CUX1: variants seen among roughly 807,000 people sequenced by gnomAD.
The protein encoded by CUX1 is cut like homeobox 1, also known as protein CASP.
A neutral mutation model predicts 158.8 loss-of-function variants in CUX1; 31 were observed. The observed-to-expected ratio is 0.20, with a 90% CI of 0.15 to 0.26. The LOEUF (loss-of-function observed/expected upper bound fraction) is 0.26, where lower values mean the gene tolerates loss of function less well. Among genes scored for constraint, CUX1 ranks in the 10% least tolerant of loss-of-function variants. The pLI is 1.00. For synonymous variants in CUX1, 879 were observed against 862.1 expected (o/e 1.02, Z -0.34); for missense variants, 1,589 against 2,014.6 (o/e 0.79, Z 4.04).
At chr7:101,863,475 C>T (rs778282671) in intron 1 of CUX1, among the ~76,000 whole-genome samples, 24 of 151,900 alleles carry the variant, frequency 1.6e-4, no homozygotes, top group African/African-American at 4.4e-4. Flanking sequence ...CTCAGCCTCC[C>T]GAGTAGCTGG....
intron 8 of CUX1, among the ~76,000 whole-genome samples, chr7:102,121,449 G>A (rs1326368317): frequency 3.3e-5 from 5 of 151,930 alleles, no homozygotes; most frequent in East Asian, 1.9e-4. Flanking sequence ...GGGTTCAAGC[G>A]ATTCTCCTGC....
intron 1 of CUX1, among the ~76,000 whole-genome samples, chr7:101,879,052 G>A (rs1024421938): frequency 5.3e-5 from 8 of 152,210 alleles, no homozygotes; most frequent in Non-Finnish European, 1.5e-5. Context: ...TACTGTGCTG[G>A]AACCATCCTG....
intron 6 of CUX1, among the ~76,000 whole-genome samples, chr7:102,110,354 C>T (rs560835309): frequency 6.6e-6 from 1 of 150,500 alleles, no homozygotes; most frequent in Non-Finnish European, 1.5e-5. Flanking sequence ...TCATATTAAG[C>T]CGTAGTATAT....
chr7:102,163,318 C>G (rs1483513276), intron 9 of CUX1, among the ~76,000 whole-genome samples: 1 of 145,292 alleles, frequency 6.9e-6, no homozygotes, highest in Non-Finnish European at 1.5e-5. Flanking sequence ...AGACTTTTTT[C>G]TCTACAAAAA....
At chr7:101,988,167 A>G (rs1014085899) in intron 2 of CUX1, among the ~76,000 whole-genome samples, 4 of 152,140 alleles carry the variant, frequency 2.6e-5, no homozygotes, top group Admixed American at 6.5e-5. Context: ...AGCTGAGATC[A>G]CGCACTGCAC....
At chr7:101,845,625 G>A (rs984552185) in intron 1 of CUX1, among the ~76,000 whole-genome samples, 2 of 152,188 alleles carry the variant, frequency 1.3e-5, no homozygotes, top group Admixed American at 1.3e-4. Flanking sequence ...ATGGCACATC[G>A]TACATTTCTA....
At chr7:101,816,068 A>G (rs1219523928), upstream of CUX1, 15 of 1,417,006 alleles carry the variant, frequency 1.1e-5, no homozygotes, top group Non-Finnish European at 1.4e-5. Context: ...CAATATTGGA[A>G]GCGCTTTGAT....
At chr7:102,173,752 C>T (rs1343745435) in intron 10 of CUX1, among the ~76,000 whole-genome samples, 2 of 152,108 alleles carry the variant, frequency 1.3e-5, no homozygotes, top group African/African-American at 2.4e-5. Context: ...AGGTAGAGTC[C>T]GTTGTGGATC....
rs1013380637 is a variant in CUX1, at chr7:101,860,778, T to C, written c.30+43109T>C. Among the ~76,000 whole-genome samples the C allele has an allele frequency of 1.1e-3, 148 of 132,076 alleles. 2 individuals carry two copies. In the East Asian group the frequency reaches 0.016, roughly 14 times the overall value. The allele number at this position is 132,076 out of a possible 152,430, so 86.6% of individuals were successfully genotyped here. A position where few individuals can be genotyped will look rare whatever the true frequency, so the allele number is the denominator to read the frequency against. ...CTTCCTTCCTTCCTTCCTTCCTTCC[T>C]TCCTTCCCTCCTTCCCCTCTCTTCT... On this transcript the variant is annotated intron_variant, in intron 1 of 23. Transcript: ENST00000292535.
At chr7:101,865,816 T>A (rs1797880800) in intron 1 of CUX1, among the ~76,000 whole-genome samples, 1 of 152,240 alleles carries the variant, frequency 6.6e-6, no homozygotes, top group Non-Finnish European at 1.5e-5. Context: ...TAGTGGGTAC[T>A]GGAGCAAATG....
At chr7:101,877,407 C>A (rs1299979624) in intron 1 of CUX1, among the ~76,000 whole-genome samples, 5 of 152,112 alleles carry the variant, frequency 3.3e-5, no homozygotes, top group Non-Finnish European at 7.3e-5. Context: ...AATTAACAGG[C>A]CAGGTACAGT....
At chr7:102,172,434 T>C (rs1791833070) in intron 10 of CUX1, among the ~76,000 whole-genome samples, 1 of 151,674 alleles carries the variant, frequency 6.6e-6, no homozygotes, top group Admixed American at 6.6e-5. Flanking sequence ...CGCTGTAGCC[T>C]TGACCTGGGC....
Position 102,255,063 on chromosome 7 carries a change from G to A in CUX1, c.*6021G>A, listed in dbSNP as rs966720936. The A allele has an allele frequency of 5.1e-6, 5 of 985,382 alleles. No homozygotes were observed. In the African/African-American group the frequency reaches 8.7e-5, roughly 17 times the overall value. The allele number at this position is 985,382 out of a possible 1,614,324, so 61.0% of individuals were successfully genotyped here. A position where few individuals can be genotyped will look rare whatever the true frequency, so the allele number is the denominator to read the frequency against. ...GGGGCAGAGCGTAAAACAAGCCCCAGCCCTACTCCCGGCCCCCCAGCCCAG... is the reference window on the plus strand; with the variant it reads ...GGGGCAGAGCGTAAAACAAGCCCCAACCCTACTCCCGGCCCCCCAGCCCAG... On this transcript the variant is annotated 3_prime_UTR_variant, in exon 24 of 24. Transcript: ENST00000292535.
intron 7 of CUX1, among the ~76,000 whole-genome samples, chr7:102,112,954 T>A (rs902291335): frequency 2.0e-5 from 3 of 152,154 alleles, no homozygotes; most frequent in Non-Finnish European, 4.4e-5. Context: ...ACATCAGAAG[T>A]CATAATTCAA....
Position 101,929,619 on chromosome 7 carries a change from TAA to T in CUX1, c.141+13395_141+13396del, listed in dbSNP as rs574436782. On this transcript the variant is annotated intron_variant, in intron 2 of 23. Transcript: ENST00000292535. ...GGTTGAAATCGTGGTGAGCTGTTAT[TAA>T]TATTTATTGAGTACTTGCTAGGAGT... is the stretch of plus-strand genomic sequence containing the variant. 1.9e-3 allele frequency among the ~76,000 whole-genome samples: 292 copies of T among 152,320 alleles called. 1 individual carries two copies. The highest frequency in any genetic ancestry group is 4.9e-3 in the Admixed American group (75 of 15,292).
At chr7:102,134,343 A>C (rs1833658383) in intron 8 of CUX1, among the ~76,000 whole-genome samples, 1 of 152,170 alleles carries the variant, frequency 6.6e-6, no homozygotes, top group Non-Finnish European at 1.5e-5. Context: ...TCTCAAAAAT[A>C]AAAATTAAAA....
chr7:101,918,786 C>CA (rs1047824162), intron 2 of CUX1, among the ~76,000 whole-genome samples: 18 of 152,252 alleles, frequency 1.2e-4, no homozygotes, highest in African/African-American at 4.3e-4. Context: ...TTTTTTGAGA[C>CA]AGAGTCTTGC....
intron 12 of CUX1, among the ~76,000 whole-genome samples, chr7:102,192,171 C>T (rs900907106): frequency 6.6e-6 from 1 of 152,188 alleles, no homozygotes; most frequent in Non-Finnish European, 1.5e-5. Context: ...CTCACCCCCA[C>T]GCAACAGGGG....
intron 1 of CUX1, chr7:101,913,241 C>G (rs755014793): frequency 6.8e-5 from 36 of 532,242 alleles, no homozygotes; most frequent in Non-Finnish European, 9.9e-5. Context: ...CTCAGTCTCT[C>G]CTCCTCGCTG....
Sources: allele counts gnomAD v4.1 joint callset (sites outside exome capture counted in the v4.1 genomes callset), GRCh38; gene constraint gnomAD v4.1.1; transcripts MANE v1.5; gene names NCBI Gene and HGNC (gene_info 2026-07-23, HGNC 2026-07-21).